The following EPB41L1 variants were observed in gnomAD, a reference collection of about 807,000 sequenced individuals.
EPB41L1 encodes band 4.1-like protein 1.
EPB41L1 carries 29 observed loss-of-function variants against 97.8 expected under a neutral mutation model. The observed-to-expected ratio is 0.30, with a 90% CI of 0.22 to 0.40. The LOEUF is 0.40. Ranked by LOEUF, EPB41L1 falls within the 10% of genes least tolerant of loss-of-function variation. The probability of loss-of-function intolerance (pLI) is 1.00; values close to 1 mark genes in which losing one functional copy is unlikely to be tolerated. For synonymous variants in EPB41L1, 383 were observed against 459.2 expected, an observed-to-expected ratio of 0.83 and a Z score of 2.12; for missense variants, 812 against 1,162.3, an observed-to-expected ratio of 0.70 and a Z score of 4.38.
chr20:36,209,878 C>T lies in EPB41L1; in HGVS notation c.2059C>T (p.Pro687Ser). The change falls in exon 15 of 22, where the codon CCG becomes TCG. Residue 687 changes from proline (P) to serine (S), a missense_variant. Physicochemically the swap from Pro to Ser is moderately conservative, Grantham distance 74. Around this residue, in one of 3 missense-constraint regions of EPB41L1, gnomAD observed 498 missense variants for 622.7 expected, o/e 0.80. Coordinates refer to ENST00000338074, the MANE Select transcript of EPB41L1 (RefSeq NM_012156.2). This position sits in a 1 kb window ranked among gnomAD's most constrained non-coding sequence, Gnocchi z 4.2. ...DSPDRGACST[P>S]DMPQFEPVKT... Reference sequence around the variant, plus strand: ...CCCGGATCGAGGGGCCTGCTCCACCCCGGATATGCCCCAGTTTGAGGTACA... The same window carrying T: ...CCCGGATCGAGGGGCCTGCTCCACCTCGGATATGCCCCAGTTTGAGGTACA... 3 of 1,613,396 alleles carry T rather than the reference C, an allele frequency of 1.9e-6. No individual in the cohort carries two copies. In the South Asian group the frequency reaches 3.3e-5, roughly 18 times the overall value.
intron 2 of EPB41L1, among the ~76,000 whole-genome samples, chr20:36,114,339 A>T (rs895065995): frequency 7.2e-5 from 11 of 152,072 alleles, no homozygotes; most frequent in Non-Finnish European, 2.9e-5. Flanking sequence ...TTTTGGAGAT[A>T]CCTCTGCAAA....
intron 17 of EPB41L1, 24 bp from the exon 18 acceptor site, chr20:36,218,852 A>G (rs1197014399): frequency 1.9e-6 from 3 of 1,612,976 alleles, no homozygotes; most frequent in South Asian, 1.1e-5. Flanking sequence ...AGAGCTGGCC[A>G]TCTGAGCACT....
At chr20:36,159,730 C>T (rs186250033) in intron 1 of EPB41L1, among the ~76,000 whole-genome samples, 173 of 152,344 alleles carry the variant, frequency 1.1e-3, no homozygotes, top group Non-Finnish European at 1.9e-3. Context: ...CTACTTGCCA[C>T]ATTCTTCTCA....
Position 36,105,907 on chromosome 20 carries a change from TA to T in EPB41L1, c.-64-6518del, listed in dbSNP as rs553067040. Among the ~76,000 whole-genome samples, 48 of 152,266 alleles carry T rather than the reference TA, an allele frequency of 3.2e-4. No individual in the cohort carries two copies. The South Asian group carries it at 9.3e-3, about 30-fold the overall frequency. On this transcript the variant is annotated intron_variant, in intron 1 of 19. Transcript: ENST00000202028. The stretch of plus-strand genomic sequence containing the variant: ...TGGCTGGTACCTGCCACCTTTTCCC[TA>T]TTCTGGAATCTGCTTCCAGGGCCCT...
chr20:36,137,555 G>A (rs867515079), intron 2 of EPB41L1, among the ~76,000 whole-genome samples: 2 of 150,860 alleles, frequency 1.3e-5, no homozygotes, highest in African/African-American at 4.9e-5. Flanking sequence ...ACTGAGTTCC[G>A]CTTTTGTTGC....
At position 36,209,705 on chromosome 20, in the gene EPB41L1, A is replaced by G; in HGVS notation, c.1886A>G (p.His629Arg). 6.5e-7 allele frequency: 1 copy of G among 1,541,878 alleles called. No homozygotes were observed. Among genetic ancestry groups the G allele is most frequent in the South Asian group, 1.1e-5 (1 of 89,936 alleles). The stretch of plus-strand genomic sequence containing the variant: ...GACTTCACGGTCATTGGTGACTACC[A>G]TGGCAGCGCCTTCGAAGACTTCTCC... ...EVDFTVIGDY[H>R]GSAFEDFSRS... The change falls in exon 15 of 22, where the codon CAT (histidine) becomes CGT (arginine). Residue 629 changes from histidine to arginine, a missense_variant. Physicochemically the swap from His to Arg is conservative, Grantham distance 29 (BLOSUM62 0). Coordinates refer to ENST00000338074, the MANE Select transcript of EPB41L1 (RefSeq NM_012156.2). The surrounding 1 kb of genome is among the most constrained non-coding windows in gnomAD (Gnocchi z 4.2).
In EPB41L1 at chr20:36,198,559, C is replaced by G. The variant is rs550023402; in HGVS notation, c.1668+518C>G. On this transcript the variant is annotated intron_variant, in intron 14 of 21. Coordinates refer to ENST00000338074, the MANE Select transcript of EPB41L1 (RefSeq NM_012156.2). The stretch of plus-strand genomic sequence containing the variant: ...GGAGTCCACTGGAGGGGAATGGGCC[C>G]TTCACAGAAATCAGACCTGCTTCTG... Among the ~76,000 whole-genome samples, 644 of 152,312 alleles carry G rather than the reference C, an allele frequency of 4.2e-3. 5 individuals carry two copies. Among genetic ancestry groups the G allele is most frequent in the Non-Finnish European group, 7.2e-3 (489 of 68,022 alleles).
intron 1 of EPB41L1, among the ~76,000 whole-genome samples, chr20:36,166,659 AG>A (rs2060750081): frequency 6.6e-6 from 1 of 151,998 alleles, no homozygotes; most frequent in African/African-American, 2.4e-5. Flanking sequence ...GGCCAAGGCG[AG>A]CAGATTGGCT....
At chr20:36,104,099 T>C (rs2058111501) in intron 1 of EPB41L1, among the ~76,000 whole-genome samples, 1 of 152,188 alleles carries the variant, frequency 6.6e-6, no homozygotes, top group Non-Finnish European at 1.5e-5. Context: ...CAGGAGTTCC[T>C]TGGTCTCCAG....
chr20:36,128,659 T>C (rs927799965), intron 2 of EPB41L1, among the ~76,000 whole-genome samples: 5 of 152,182 alleles, frequency 3.3e-5, no homozygotes, highest in African/African-American at 1.2e-4. Flanking sequence ...CTGTAAGCAA[T>C]GTCAATTTCT....
intron 1 of EPB41L1, among the ~76,000 whole-genome samples, chr20:36,100,749 T>C (rs2057987104): frequency 6.6e-6 from 1 of 152,126 alleles, no homozygotes; most frequent in South Asian, 2.1e-4. Flanking sequence ...AGCATTTAGG[T>C]GTCCACAGAG....
intron 21 of EPB41L1, among the ~76,000 whole-genome samples, chr20:36,223,996 A>G (rs2063949257): frequency 6.6e-6 from 1 of 152,178 alleles, no homozygotes; most frequent in Non-Finnish European, 1.5e-5. Context: ...AGATACGAGA[A>G]TGTTTCTCTT....
chr20:36,168,339 C>A (rs1043206251), intron 1 of EPB41L1, among the ~76,000 whole-genome samples: 6 of 152,182 alleles, frequency 3.9e-5, no homozygotes, highest in Non-Finnish European at 8.8e-5. Flanking sequence ...GTGCATTAGG[C>A]CTTTCATATG....
chr20:36,182,213 A>C, intron 5 of EPB41L1, 59 bp from the exon 6 acceptor site: 1 of 1,503,328 alleles, frequency 6.7e-7, no homozygotes, highest in Middle Eastern at 1.7e-4. Context: ...AGGATGGTGC[A>C]TCTGGACCAC....
chr20:36,155,058 C>A, intron 1 of EPB41L1, 162 bp downstream of exon 1: 1 of 674,424 alleles, frequency 1.5e-6, no homozygotes, highest in Non-Finnish European at 2.3e-6. Context: ...TTCCTCCCTA[C>A]CTACCGGTCT....
intron 21 of EPB41L1, among the ~76,000 whole-genome samples, 169 bp downstream of exon 21, chr20:36,222,563 G>T (rs1035375822): frequency 6.6e-6 from 1 of 152,142 alleles, no homozygotes; most frequent in South Asian, 2.1e-4. Context: ...GCACCTCCCC[G>T]AGATACAAGT....
rs2061197221 is a variant in EPB41L1 at position 36,175,710 on chromosome 20, G to A, written c.337G>A (p.Val113Met). 2 of 1,613,874 alleles carry A rather than the reference G, an allele frequency of 1.2e-6. No individual in the cohort carries two copies. Among genetic ancestry groups the A allele is most frequent in the African/African-American group, 1.3e-5 (1 of 74,888 alleles). The change falls in exon 3 of 22, where the codon GTG (valine) becomes ATG (methionine). Residue 113 changes from valine (V) to methionine (M), a missense_variant. Transcript: ENST00000338074. ...TGATGCCTCGGAGTATGAGTGTGAG[G>A]TGGAGGTAGGGGAGCACTGAGTGCC... is the stretch of plus-strand genomic sequence containing the variant. ...LLDASEYECE[V>M]EKHGRGQVLF...
intron 16 of EPB41L1, among the ~76,000 whole-genome samples, chr20:36,213,329 T>C (rs936090642): frequency 6.6e-6 from 1 of 151,836 alleles, no homozygotes; most frequent in South Asian, 2.1e-4. Context: ...ACCCAGGAGG[T>C]CGAAGCTGCA....
chr20:36,206,275 G>T lies in EPB41L1; in HGVS notation c.1669-3213G>T. ...AGATGGTCAGCCGGAGGGCCAGACA[G>T]AGCTGAGGAAGGGGCTGGAGGAGCC... On this transcript the variant is annotated intron_variant, in intron 14 of 21. Transcript: ENST00000338074. This position sits in a 1 kb window ranked among gnomAD's most constrained non-coding sequence, Gnocchi z 5.5. 7.8e-7 allele frequency: 1 copy of T among 1,289,924 alleles called. No homozygotes were observed. The highest frequency in any genetic ancestry group is 1.2e-5 in the South Asian group (1 of 81,026). 79.9% of individuals were successfully genotyped at this position (1,289,924 alleles called of 1,614,324 possible).
Sources: allele counts gnomAD v4.1 joint callset (sites outside exome capture counted in the v4.1 genomes callset), GRCh38; gene constraint gnomAD v4.1.1; regional missense constraint gnomAD v4.1.1; non-coding constraint Gnocchi (gnomAD v3.1); transcripts MANE v1.5; gene names NCBI Gene and HGNC (gene_info 2026-07-23, HGNC 2026-07-21).